Variants in ARB2A observed in about 807,000 individuals in gnomAD.
ARB2A encodes the protein ARB2 cotranscriptional regulator A.
chr5:93,888,642 C>G, the ARB2A span, among the ~76,000 whole-genome samples: 1 of 151,786 alleles, frequency 6.6e-6, no homozygotes, highest in Non-Finnish European at 1.5e-5. Flanking sequence ...AATATTATCA[C>G]TTTGACCCAA....
At chr5:93,740,492 C>T in the ARB2A span, 2 of 1,380,876 alleles carry the variant, frequency 1.4e-6, no homozygotes, top group East Asian at 2.3e-5. Flanking sequence ...TACTAAAAGC[C>T]CTCAAATGAA....
At chr5:93,744,460 A>AAAAAAAAAAAAAAT in the ARB2A span, among the ~76,000 whole-genome samples, 1 of 150,854 alleles carries the variant, frequency 6.6e-6, no homozygotes, top group Non-Finnish European at 1.5e-5. Context: ...AAAAAAAAAA[A>AAAAAAAAAAAAAAT]AAAAGTAAGG....
At chr5:93,706,812 G>C in the ARB2A span, among the ~76,000 whole-genome samples, 5 of 150,676 alleles carry the variant, frequency 3.3e-5, no homozygotes, top group African/African-American at 1.2e-4. Context: ...GTTGCAGTGA[G>C]CTGAGATTGC....
chr5:93,743,662 T>TTTTA, the ARB2A span: 1 of 538,654 alleles, frequency 1.9e-6, no homozygotes, highest in Non-Finnish European at 2.4e-6. Context: ...AAAACAGCCA[T>TTTTA]TTTCTTTTTT....
At chr5:94,058,661 A>G in the ARB2A span, among the ~76,000 whole-genome samples, 1 of 152,244 alleles carries the variant, frequency 6.6e-6, no homozygotes, top group South Asian at 2.1e-4. Context: ...AAAATGAAGC[A>G]GAGAAAAACA....
chr5:93,901,536 T>C, the ARB2A span, among the ~76,000 whole-genome samples: 1 of 152,176 alleles, frequency 6.6e-6, no homozygotes, highest in Non-Finnish European at 1.5e-5. Context: ...TTCATAAATA[T>C]TCACTTACAA....
At chr5:93,844,347 G>A in the ARB2A span, among the ~76,000 whole-genome samples, 178 of 152,126 alleles carry the variant, frequency 1.2e-3, no homozygotes, top group African/African-American at 3.7e-3. Context: ...GGGAGGCTGA[G>A]GTAGGAGGAT....
chr5:94,041,306 C>T, the ARB2A span, among the ~76,000 whole-genome samples: 1 of 151,786 alleles, frequency 6.6e-6, no homozygotes, highest in Admixed American at 6.6e-5. Flanking sequence ...ACCTGTAAGC[C>T]CACTTTTCAA....
chr5:93,641,246 A>C, the ARB2A span, among the ~76,000 whole-genome samples: 255 of 151,766 alleles, frequency 1.7e-3, no homozygotes, highest in African/African-American at 5.9e-3. Context: ...TTTTTTTTCA[A>C]GTGTTTTCAA....
At chr5:93,649,608 T>C in the ARB2A span, among the ~76,000 whole-genome samples, 1 of 152,172 alleles carries the variant, frequency 6.6e-6, no homozygotes, top group Non-Finnish European at 1.5e-5. Context: ...ATTTTTTTGG[T>C]TGAATTTTGA....
the ARB2A span, chr5:93,776,364 C>T: frequency 1.6e-6 from 1 of 639,264 alleles, no homozygotes; most frequent in East Asian, 3.0e-5. Flanking sequence ...ATTTTCCATA[C>T]ACTTAACATT....
chr5:93,717,623 C>A, the ARB2A span, among the ~76,000 whole-genome samples: 42 of 151,892 alleles, frequency 2.8e-4, no homozygotes, highest in African/African-American at 9.9e-4. Flanking sequence ...GGATTAATGA[C>A]AGCTGAAAAA....
chr5:93,773,844 T>G, the ARB2A span, among the ~76,000 whole-genome samples: 4 of 152,240 alleles, frequency 2.6e-5, no homozygotes, highest in Non-Finnish European at 4.4e-5. Context: ...ACTGGCTCAC[T>G]GTAGCTTTGA....
the ARB2A span, chr5:93,805,959 A>G: frequency 1.0e-6 from 1 of 984,198 alleles, no homozygotes; most frequent in East Asian, 1.1e-4. Flanking sequence ...CTGAGGTAAA[A>G]GAGCTCTCCT....
At chr5:93,712,162 T>C in the ARB2A span, among the ~76,000 whole-genome samples, 2 of 152,112 alleles carry the variant, frequency 1.3e-5, no homozygotes, top group African/African-American at 4.8e-5. Flanking sequence ...CTTGGGGTGA[T>C]TGAACAAAAA....
the ARB2A span, among the ~76,000 whole-genome samples, chr5:93,731,693 T>C: frequency 1.3e-4 from 20 of 152,192 alleles, no homozygotes; most frequent in African/African-American, 4.3e-4. Context: ...TTGCATCTTA[T>C]ACACTGTCCT....
the ARB2A span, among the ~76,000 whole-genome samples, chr5:93,744,434 C>CAAAAGAAAAAAAAAA: frequency 6.9e-5 from 1 of 14,534 alleles, no homozygotes; most frequent in African/African-American, 2.4e-4. Context: ...GACTCAGTCT[C>CAAAAGAAAAAAAAAA]AAAAAAAAAA....
chr5:93,698,434 TA>T, the ARB2A span, among the ~76,000 whole-genome samples: 1 of 152,098 alleles, frequency 6.6e-6, no homozygotes, highest in South Asian at 2.1e-4. Flanking sequence ...TAGACTGCCA[TA>T]AATGCCATAT....
At chr5:93,768,277 A>G in the ARB2A span, among the ~76,000 whole-genome samples, 7 of 151,430 alleles carry the variant, frequency 4.6e-5, no homozygotes, top group Admixed American at 4.6e-4. Flanking sequence ...GGTGCACCAA[A>G]ACCTCACTAA....
Sources: gnomAD v4.1 joint callset for allele counts (sites outside exome capture counted in the v4.1 genomes callset) on GRCh38, gnomAD v4.1.1 for gene constraint, MANE v1.5 for transcripts, NCBI Gene and HGNC (gene_info 2026-07-23, HGNC 2026-07-21) for gene names.